Variants in PID1 observed in about 807,000 individuals in gnomAD.
PID1 encodes the protein PTB-containing, cubilin and LRP1-interacting protein.
Under a neutral mutation model 19.1 loss-of-function variants are expected in PID1, and 10 were observed. The observed-to-expected ratio is 0.52, with a 90% CI of 0.32 to 0.89. The LOEUF is 0.89. Ranked by LOEUF, PID1 falls within the 40% of genes least tolerant of loss-of-function variation. The pLI is 0.03. For synonymous variants in PID1, 130 were observed against 116.0 expected (o/e 1.12, Z -0.78); for missense variants, 248 against 285.3 (o/e 0.87, Z 0.94).
At chr2:229,099,096 C>A (rs1465183327) in intron 2 of PID1, among the ~76,000 whole-genome samples, 1 of 152,168 alleles carries the variant, frequency 6.6e-6, no homozygotes, top group Non-Finnish European at 1.5e-5. Flanking sequence ...TCTTTCCCAA[C>A]AATTTTTGTG....
chr2:229,043,508 C>T (rs887502048), intron 2 of PID1, among the ~76,000 whole-genome samples: 8 of 152,132 alleles, frequency 5.3e-5, no homozygotes, highest in African/African-American at 1.7e-4. Context: ...AAGAGCGAAG[C>T]GGACTCAGGA....
chr2:229,213,988 A>G (rs1691792119), intron 1 of PID1, among the ~76,000 whole-genome samples: 1 of 152,212 alleles, frequency 6.6e-6, no homozygotes, highest in South Asian at 2.1e-4. Flanking sequence ...CTGTTATCCC[A>G]TTCAGCTCTC....
intron 1 of PID1, among the ~76,000 whole-genome samples, chr2:229,233,894 A>C (rs1229656985): frequency 2.6e-5 from 4 of 152,222 alleles, no homozygotes; most frequent in Non-Finnish European, 5.9e-5. Context: ...TCAATCAACA[A>C]ACATTTATTA....
intron 1 of PID1, chr2:229,232,133 G>A: frequency 1.4e-6 from 2 of 1,455,002 alleles, no homozygotes; most frequent in South Asian, 3.0e-5. Context: ...CCTCTTAAAG[G>A]TCCCTCTTGG....
At chr2:229,234,835 G>A (rs1453296241) in intron 1 of PID1, among the ~76,000 whole-genome samples, 1 of 152,114 alleles carries the variant, frequency 6.6e-6, no homozygotes, top group East Asian at 1.9e-4. Context: ...TATTGTGAAA[G>A]ACCATGGCGT....
intron 2 of PID1, among the ~76,000 whole-genome samples, chr2:229,077,483 GC>G: frequency 6.6e-6 from 1 of 152,296 alleles, no homozygotes; most frequent in African/African-American, 2.4e-5. Context: ...AAATAGTACT[GC>G]CTAGGTTTTC....
chr2:229,085,735 A>G lies in PID1; in HGVS notation c.178-59627T>C, dbSNP rs549528493. 7.9e-5 allele frequency among the ~76,000 whole-genome samples: 12 copies of G among 152,270 alleles called. No homozygotes were observed. In the South Asian group the frequency reaches 1.9e-3, roughly 24 times the overall value. ...ATGCCCTTTGTCCTTCAACTAGTCA[A>G]TTAAGTATATGGTTCATCAGACCAC... On this transcript the variant is annotated intron_variant, in intron 2 of 2. Coordinates refer to ENST00000392055, the MANE Select transcript of PID1 (RefSeq NM_001100818.2).
chr2:229,262,662 A>G, intron 1 of PID1: 1 of 1,550,630 alleles, frequency 6.4e-7, no homozygotes, highest in Non-Finnish European at 8.7e-7. Flanking sequence ...AGCTTAAAAC[A>G]ACAGAAATTT....
intron 1 of PID1, among the ~76,000 whole-genome samples, chr2:229,175,104 C>T (rs1424730482): frequency 2.0e-5 from 3 of 152,208 alleles, no homozygotes; most frequent in Admixed American, 2.0e-4. Context: ...TTGAGCCGTT[C>T]CTGCTGGCCC....
intron 1 of PID1, among the ~76,000 whole-genome samples, chr2:229,188,333 A>C (rs564606326): frequency 6.6e-6 from 1 of 152,128 alleles, no homozygotes; most frequent in Non-Finnish European, 1.5e-5. Context: ...TGAAAAAAAA[A>C]TTAAAAAAGG....
chr2:229,110,192 T>TC (rs1695268930), intron 2 of PID1, among the ~76,000 whole-genome samples: 1 of 152,204 alleles, frequency 6.6e-6, no homozygotes, highest in African/African-American at 2.4e-5. Context: ...TGTTCCTTGT[T>TC]CCTTTTCCTA....
chr2:229,167,211 C>T (rs1690617181), intron 1 of PID1, among the ~76,000 whole-genome samples: 1 of 151,934 alleles, frequency 6.6e-6, no homozygotes, highest in East Asian at 1.9e-4. Context: ...TTGTTTAAGG[C>T]TAAAATTAGT....
At chr2:229,044,752 T>A (rs575174437) in intron 2 of PID1, among the ~76,000 whole-genome samples, 1 of 152,194 alleles carries the variant, frequency 6.6e-6, no homozygotes, top group South Asian at 2.1e-4. Context: ...TGTGTATGAC[T>A]GTCTAGGAAT....
At chr2:229,243,378 T>A (rs1268432481) in intron 1 of PID1, among the ~76,000 whole-genome samples, 1 of 152,114 alleles carries the variant, frequency 6.6e-6, no homozygotes, top group East Asian at 1.9e-4. Context: ...ACAGGTTACA[T>A]CGTCTTCTTT....
intron 2 of PID1, among the ~76,000 whole-genome samples, chr2:229,072,908 A>T (rs1694485476): frequency 6.6e-6 from 1 of 152,276 alleles, no homozygotes; most frequent in African/African-American, 2.4e-5. Flanking sequence ...AGCCAAGCTT[A>T]AAAACAATCT....
intron 1 of PID1, among the ~76,000 whole-genome samples, chr2:229,178,868 G>A (rs753725840): frequency 2.6e-5 from 4 of 151,946 alleles, no homozygotes; most frequent in Non-Finnish European, 4.4e-5. Flanking sequence ...CCTATGCACC[G>A]GGCACAAGTC....
At chr2:229,062,715 TC>T (rs1393760736) in intron 2 of PID1, among the ~76,000 whole-genome samples, 2 of 151,954 alleles carry the variant, frequency 1.3e-5, no homozygotes, top group Admixed American at 1.3e-4. Context: ...TGGTATTAGT[TC>T]TTTAAATGTT....
intron 2 of PID1, among the ~76,000 whole-genome samples, chr2:229,143,832 TTCCGCC>T (rs1349987840): frequency 6.6e-6 from 1 of 152,110 alleles, no homozygotes; most frequent in Non-Finnish European, 1.5e-5. Context: ...CCCCTTCCCC[TTCCGCC>T]ATGATTTTAA....
chr2:229,132,005 T>A (rs950893525), intron 2 of PID1, among the ~76,000 whole-genome samples: 1 of 152,140 alleles, frequency 6.6e-6, no homozygotes, highest in African/African-American at 2.4e-5. Context: ...ACAGTAACAA[T>A]CTTTATAGTT....
Sources: gnomAD v4.1 joint callset for allele counts (sites outside exome capture counted in the v4.1 genomes callset) on GRCh38, gnomAD v4.1.1 for gene constraint, MANE v1.5 for transcripts, NCBI Gene and HGNC (gene_info 2026-07-23, HGNC 2026-07-21) for gene names.